Variants in DPP6 observed in about 807,000 individuals in gnomAD.
DPP6 encodes the protein dipeptidyl peptidase like 6.
A neutral mutation model predicts 122.6 loss-of-function variants in DPP6; 69 were observed. The ratio of observed to expected loss-of-function variants is 0.56; its 90% CI spans 0.46 to 0.69. The LOEUF is 0.69. Ranked by LOEUF, DPP6 falls within the 30% of genes least tolerant of loss-of-function variation. The probability of loss-of-function intolerance (pLI) is 0.00; values close to 1 mark genes in which losing one functional copy is unlikely to be tolerated. For synonymous variants in DPP6, 418 were observed against 433.1 expected (o/e 0.97, Z 0.43); for missense variants, 928 against 1,116.9 (o/e 0.83, Z 2.41).
intron 1 of DPP6, among the ~76,000 whole-genome samples, chr7:154,437,822 G>A (rs755310174): frequency 9.2e-5 from 14 of 152,100 alleles, no homozygotes; most frequent in Admixed American, 2.0e-4. Flanking sequence ...TGTAATCCGT[G>A]TTACTTGGGA....
intron 1 of DPP6, among the ~76,000 whole-genome samples, chr7:154,430,899 C>T (rs1428878005): frequency 2.0e-5 from 3 of 151,300 alleles, no homozygotes; most frequent in Admixed American, 6.6e-5. Flanking sequence ...ATGTTTCTTT[C>T]GTTAAGTTAA....
rs1308144217 is a variant in DPP6 at position 154,416,317 on chromosome 7, A to C, written c.244-29897A>C. On this transcript the variant is annotated intron_variant, in intron 1 of 25. Transcript: ENST00000377770. ...ATGATCCTGCTTCTAACCTATTGTC[A>C]GAAGGTCAGTAGTAAGCTAACACAA... 2.0e-5 allele frequency among the ~76,000 whole-genome samples: 3 copies of C among 152,256 alleles called. No individual in the cohort carries two copies. In the East Asian group the frequency reaches 5.8e-4, roughly 29 times the overall value.
intron 8 of DPP6, among the ~76,000 whole-genome samples, chr7:154,734,019 C>A (rs1008324906): frequency 6.6e-6 from 1 of 152,230 alleles, no homozygotes; most frequent in Non-Finnish European, 1.5e-5. Context: ...CCAGTTGTGA[C>A]CATCGATAAC....
chr7:153,968,768 G>T (rs1795877454), intron 1 of DPP6: 6 of 151,542 alleles, frequency 4.0e-5, no homozygotes, highest in South Asian at 2.1e-4. Context: ...TCATGCCTCC[G>T]TGTATTCCTA....
chr7:154,743,757 G>A (rs1407277323), intron 8 of DPP6, among the ~76,000 whole-genome samples: 1 of 146,318 alleles, frequency 6.8e-6, no homozygotes, highest in East Asian at 2.0e-4. Flanking sequence ...GTATATGAAG[G>A]GGTATATACG....
chr7:154,351,075 G>A (rs961895889), intron 1 of DPP6, among the ~76,000 whole-genome samples: 1 of 152,220 alleles, frequency 6.6e-6, no homozygotes, highest in East Asian at 1.9e-4. Context: ...AGAGAAGTTA[G>A]GAGCATGTGA....
intron 2 of DPP6, among the ~76,000 whole-genome samples, chr7:154,464,398 A>C (rs535002787): frequency 6.6e-6 from 1 of 152,284 alleles, no homozygotes; most frequent in Admixed American, 6.5e-5. Flanking sequence ...TGAAGTCAAA[A>C]CCAGATACTG....
intron 1 of DPP6, among the ~76,000 whole-genome samples, chr7:154,246,393 T>C (rs1187974612): frequency 6.6e-6 from 1 of 152,060 alleles, no homozygotes; most frequent in Non-Finnish European, 1.5e-5. Flanking sequence ...AAAAATAAAA[T>C]AGAAAACTGA....
chr7:154,244,085 C>G (rs539139965), intron 1 of DPP6, among the ~76,000 whole-genome samples: 2 of 152,078 alleles, frequency 1.3e-5, no homozygotes, highest in East Asian at 3.9e-4. Context: ...ACAAAGAGAA[C>G]CACTCCTATG....
At chr7:154,878,881 C>T (rs1805106550) in intron 20 of DPP6, among the ~76,000 whole-genome samples, 2 of 152,230 alleles carry the variant, frequency 1.3e-5, no homozygotes, top group Non-Finnish European at 2.9e-5. Context: ...TGCTAAGGAG[C>T]AGCAGAAATG....
At chr7:154,092,966 C>T (rs1804968840) in intron 1 of DPP6, 1 of 152,078 alleles carries the variant, frequency 6.6e-6, no homozygotes, top group African/African-American at 2.4e-5. Flanking sequence ...TGTGCAAGAG[C>T]TGTGGCTATG....
At chr7:154,302,363 G>T (rs940023721) in intron 1 of DPP6, among the ~76,000 whole-genome samples, 5 of 152,150 alleles carry the variant, frequency 3.3e-5, no homozygotes, top group Non-Finnish European at 7.3e-5. Context: ...AGGATATCTC[G>T]CTCTTTTGTT....
At chr7:153,883,075 T>C (rs1798797884), upstream of DPP6, among the ~76,000 whole-genome samples, 1 of 151,966 alleles carries the variant, frequency 6.6e-6, no homozygotes, top group Non-Finnish European at 1.5e-5. Context: ...TGTTGATAAA[T>C]ATAGGACCAC....
intron 1 of DPP6, among the ~76,000 whole-genome samples, chr7:154,292,262 G>C (rs541368687): frequency 6.6e-6 from 1 of 151,954 alleles, no homozygotes; most frequent in South Asian, 2.1e-4. Flanking sequence ...CAGATTTTCT[G>C]GTCCCCCACA....
intron 5 of DPP6, among the ~76,000 whole-genome samples, chr7:154,575,002 T>G (rs1293873573): frequency 4.3e-5 from 6 of 140,706 alleles, no homozygotes; most frequent in African/African-American, 1.3e-4. Flanking sequence ...ATGTGTGGGG[T>G]GTGTGTGTTT....
At chr7:153,795,785 T>A in the DPP6 span, among the ~76,000 whole-genome samples, 5 of 151,032 alleles carry the variant, frequency 3.3e-5, no homozygotes, top group African/African-American at 1.2e-4. Flanking sequence ...AAAATTAATG[T>A]GGTATGATTT....
chr7:154,861,297 A>G (rs189928720), intron 17 of DPP6, among the ~76,000 whole-genome samples: 4 of 152,338 alleles, frequency 2.6e-5, no homozygotes, highest in Admixed American at 6.5e-5. Flanking sequence ...GTTGTCACCT[A>G]AAGTTTTTCT....
intron 1 of DPP6, among the ~76,000 whole-genome samples, chr7:154,286,480 A>G (rs186201032): frequency 2.6e-5 from 4 of 152,352 alleles, no homozygotes; most frequent in East Asian, 1.9e-4. Context: ...TGTCCACTCC[A>G]TAGCCAGCCT....
chr7:154,227,375 G>A (rs1199770629), intron 1 of DPP6, among the ~76,000 whole-genome samples: 1 of 151,772 alleles, frequency 6.6e-6, no homozygotes, highest in East Asian at 1.9e-4. Context: ...AGATGAGAGC[G>A]GAATGGTGGT....
Sources: gnomAD v4.1 joint callset for allele counts (sites outside exome capture counted in the v4.1 genomes callset) on GRCh38, gnomAD v4.1.1 for gene constraint, MANE v1.5 for transcripts, NCBI Gene and HGNC (gene_info 2026-07-23, HGNC 2026-07-21) for gene names.